The following DNAH12 variants were observed in gnomAD, a reference collection of about 807,000 sequenced individuals.
DNAH12 encodes the protein axonemal beta dynein heavy chain 12.
A neutral mutation model predicts 371.5 loss-of-function variants in DNAH12; 285 were observed. That is an observed-to-expected ratio of 0.77 (90% CI 0.70 to 0.85). DNAH12 has a LOEUF of 0.85. Ranked by LOEUF, DNAH12 falls within the 40% of genes least tolerant of loss-of-function variation. The probability of loss-of-function intolerance (pLI) is 0.00; values close to 1 mark genes in which losing one functional copy is unlikely to be tolerated. For missense variants in DNAH12, 3,611 were observed against 3,689.4 expected (o/e 0.98, Z 0.55); for synonymous variants, 1,200 against 1,213.0 (o/e 0.99, Z 0.22).
intron 72 of DNAH12, 114 bp downstream of exon 72, chr3:57,296,230 C>G: frequency 2.0e-5 from 13 of 638,112 alleles, no homozygotes; most frequent in South Asian, 6.9e-5. Flanking sequence ...TGTGAGAGTT[C>G]TGATGTTATT....
At chr3:57,477,566 G>C (rs2153382330) in intron 13 of DNAH12, among the ~76,000 whole-genome samples, 1 of 152,254 alleles carries the variant, frequency 6.6e-6, no homozygotes, top group Admixed American at 6.5e-5. Context: ...TGACAACTTT[G>C]AAGAGAATAG....
intron 4 of DNAH12, among the ~76,000 whole-genome samples, chr3:57,514,548 T>C (rs1051528196): frequency 1.3e-5 from 2 of 152,082 alleles, no homozygotes; most frequent in Non-Finnish European, 2.9e-5. Flanking sequence ...ATTGGTTATA[T>C]GAAAGAGTAG....
intron 39 of DNAH12, among the ~76,000 whole-genome samples, chr3:57,410,800 A>G (rs1352049532): frequency 6.8e-6 from 1 of 147,640 alleles, no homozygotes; most frequent in Non-Finnish European, 1.5e-5. Flanking sequence ...TGAGTGACAG[A>G]GCAAGACTTT....
intron 43 of DNAH12, among the ~76,000 whole-genome samples, chr3:57,396,304 A>AAAAAAAAAAAAC (rs2063740130): frequency 1.4e-5 from 2 of 141,958 alleles, no homozygotes; most frequent in East Asian, 2.2e-4. Context: ...AAAAAAAAAA[A>AAAAAAAAAAAAC]AAAAAAGAGA....
At chr3:57,314,381 TC>T in intron 66 of DNAH12, 112 bp downstream of exon 66, 1 of 1,315,844 alleles carries the variant, frequency 7.6e-7, no homozygotes, top group Non-Finnish European at 1.0e-6. Flanking sequence ...GTTATTACCA[TC>T]TACCCACCTG....
chr3:57,480,956 C>T (rs1376115315), intron 13 of DNAH12, among the ~76,000 whole-genome samples: 1 of 152,142 alleles, frequency 6.6e-6, no homozygotes, highest in East Asian at 1.9e-4. Context: ...AACCCACAGC[C>T]AATATCATAC....
intron 12 of DNAH12, 74 bp from the exon 13 acceptor site, chr3:57,483,585 C>A: frequency 1.4e-6 from 2 of 1,396,966 alleles, no homozygotes; most frequent in Non-Finnish European, 1.9e-6. Flanking sequence ...TGTGTTATGA[C>A]GATTACTATA....
chr3:57,509,103 A>T, intron 6 of DNAH12, 37 bp downstream of exon 6: 1 of 1,546,694 alleles, frequency 6.5e-7, no homozygotes, highest in Non-Finnish European at 8.9e-7. Flanking sequence ...TATATCAAAA[A>T]TTGGATGAAG....
At chr3:57,492,483 A>G (rs1212541805) in intron 11 of DNAH12, among the ~76,000 whole-genome samples, 1 of 152,048 alleles carries the variant, frequency 6.6e-6, no homozygotes, top group Non-Finnish European at 1.5e-5. Flanking sequence ...AAATAAATAA[A>G]TAATAAATAA....
chr3:57,377,176 A>G lies in DNAH12; in HGVS notation c.8270T>C (p.Leu2757Ser), dbSNP rs902093259. The change falls in exon 53 of 74, where the codon TTA becomes TCA. Residue 2757 changes from leucine (L) to serine (S), a missense_variant. This residue lies in a region of DNAH12 where 2,266 missense variants were observed against 2,236.9 expected (regional missense o/e 1.01). Coordinates refer to ENST00000495027, the MANE Select transcript of DNAH12 (RefSeq NM_001366028.2). ...ATTCAAAAGCTCCATTGTCTCAGCT[A>G]AAGACTTCTGAGCTTCTGATAAGCG... is the stretch of plus-strand genomic sequence containing the variant. ...KARLSEAQKS[L>S]AETMELLNQK... The G allele has an allele frequency of 6.6e-6, 1 of 152,170 alleles. No individual in the cohort carries two copies. Among genetic ancestry groups the G allele is most frequent in the Non-Finnish European group, 1.5e-5 (1 of 68,024 alleles). The allele number at this position is 152,170 out of a possible 1,614,324, so 9.4% of individuals were successfully genotyped here. A position where few individuals can be genotyped will look rare whatever the true frequency, so the allele number is the denominator to read the frequency against.
At position 57,415,559 on chromosome 3, in the gene DNAH12, A is replaced by C; in HGVS notation, c.5720T>G (p.Leu1907Arg). The C allele has an allele frequency of 6.5e-7, 1 of 1,534,284 alleles. No homozygotes were observed. Among genetic ancestry groups the C allele is most frequent in the Non-Finnish European group, 8.7e-7 (1 of 1,143,204 alleles). The change falls in exon 38 of 74, where the codon CTC (leucine) becomes CGC (arginine). Residue 1907 changes from leucine to arginine, a missense_variant. Physicochemically the swap from Leu to Arg is moderately radical, Grantham distance 102 (BLOSUM62 -2). This residue lies in a region of DNAH12 where 2,266 missense variants were observed against 2,236.9 expected (regional missense o/e 1.01). Transcript: ENST00000495027. ...TGTACCCGTTGGACCCACAAAAAGGAGTGGCCTTAATGAAAACAATGAATA... is the reference window on the plus strand; with the variant it reads ...TGTACCCGTTGGACCCACAAAAAGGCGTGGCCTTAATGAAAACAATGAATA... ...MDLSITYAKPLLFVGPTGTGK... is the reference protein window; with the variant it reads ...MDLSITYAKPRLFVGPTGTGK...
At chr3:57,545,041 A>G (rs1289145943), upstream of DNAH12, among the ~76,000 whole-genome samples, 1 of 151,074 alleles carries the variant, frequency 6.6e-6, no homozygotes, top group African/African-American at 2.4e-5. Flanking sequence ...TGTGTCTGGC[A>G]CAGAGTAGGT....
At chr3:57,421,872 C>G in intron 35 of DNAH12, 166 bp from the exon 36 acceptor site, 1 of 491,642 alleles carries the variant, frequency 2.0e-6, no homozygotes, top group Non-Finnish European at 3.5e-6. Flanking sequence ...AGTCATTTCT[C>G]TGACAATTTT....
chr3:57,554,374 G>A, the DNAH12 span, among the ~76,000 whole-genome samples: 1 of 151,586 alleles, frequency 6.6e-6, no homozygotes, highest in East Asian at 1.9e-4. Context: ...AAAACCAAAT[G>A]TTTTTAGCTT....
intron 60 of DNAH12, among the ~76,000 whole-genome samples, chr3:57,342,519 A>T (rs1225487771): frequency 6.8e-6 from 1 of 146,618 alleles, no homozygotes; most frequent in African/African-American, 2.5e-5. Flanking sequence ...TTAGCCGGGC[A>T]TGGTGGTGGG....
At chr3:57,464,397 G>A (rs975132753) in intron 17 of DNAH12, among the ~76,000 whole-genome samples, 3 of 152,052 alleles carry the variant, frequency 2.0e-5, no homozygotes, top group African/African-American at 4.8e-5. Flanking sequence ...CTGTGGGACC[G>A]TCCGCATTCA....
At chr3:57,537,829 C>A (rs1227219386) in intron 2 of DNAH12, among the ~76,000 whole-genome samples, 1 of 151,956 alleles carries the variant, frequency 6.6e-6, no homozygotes, top group Non-Finnish European at 1.5e-5. Context: ...GGACTACAGG[C>A]ATGCACTACC....
intron 19 of DNAH12, 22 bp from the exon 20 acceptor site, chr3:57,459,808 C>A: frequency 7.5e-7 from 1 of 1,341,004 alleles, no homozygotes; most frequent in Non-Finnish European, 9.7e-7. Context: ...GTATACTGCA[C>A]TAAATTCTAG....
intron 60 of DNAH12, among the ~76,000 whole-genome samples, chr3:57,338,409 AG>A (rs2062288652): frequency 7.1e-6 from 1 of 141,314 alleles, no homozygotes; most frequent in African/African-American, 2.7e-5. Flanking sequence ...CACACTGTCT[AG>A]GAAGTGAGGA....
Sources: gnomAD v4.1 joint callset for allele counts (sites outside exome capture counted in the v4.1 genomes callset) on GRCh38, gnomAD v4.1.1 for gene constraint, gnomAD v4.1.1 regional missense constraint, MANE v1.5 for transcripts, NCBI Gene and HGNC (gene_info 2026-07-23, HGNC 2026-07-21) for gene names.